STARD13: variants seen among roughly 807,000 people sequenced by gnomAD.
STARD13 encodes stAR-related lipid transfer protein 13.
STARD13 carries 62 observed loss-of-function variants against 106.4 expected under a neutral mutation model. That is an observed-to-expected ratio of 0.58 (90% CI 0.48 to 0.72). The LOEUF (loss-of-function observed/expected upper bound fraction) is 0.72. STARD13 is among the 30% of genes least tolerant of loss of function. The pLI is 0.00. For missense variants in STARD13, 1,387 were observed against 1,424.0 expected, an observed-to-expected ratio of 0.97 and a Z score of 0.42; for synonymous variants, 565 against 553.0, an observed-to-expected ratio of 1.02 and a Z score of -0.31.
At chr13:33,634,949 C>T in the STARD13 span, among the ~76,000 whole-genome samples, 4 of 152,134 alleles carry the variant, frequency 2.6e-5, no homozygotes, top group East Asian at 7.7e-4. Context: ...GGAAGATCAG[C>T]AGTGAAGGGC....
chr13:33,184,419 T>C (rs1234452022), intron 1 of STARD13, among the ~76,000 whole-genome samples: 1 of 152,042 alleles, frequency 6.6e-6, no homozygotes, highest in Non-Finnish European at 1.5e-5. Flanking sequence ...GAAAGAAAAG[T>C]GGATTCTGAA....
the STARD13 span, among the ~76,000 whole-genome samples, chr13:33,401,130 A>T: frequency 4.6e-5 from 7 of 152,330 alleles, no homozygotes; most frequent in Admixed American, 1.3e-4. Context: ...TCTTTGTCTT[A>T]AAAATCTTCT....
At chr13:33,160,570 C>T (rs1882500391) in intron 3 of STARD13, among the ~76,000 whole-genome samples, 1 of 152,068 alleles carries the variant, frequency 6.6e-6, no homozygotes, top group African/African-American at 2.4e-5. Context: ...TAGGACATAT[C>T]CAAACTCTCA....
chr13:33,339,814 C>T (rs545492740), intron 1 of STARD13, among the ~76,000 whole-genome samples: 6 of 151,970 alleles, frequency 3.9e-5, no homozygotes, highest in Admixed American at 1.3e-4. Flanking sequence ...TGGCTGGGCA[C>T]GGTGGCTCAT....
At chr13:33,190,704 A>C (rs1886194784) in intron 1 of STARD13, among the ~76,000 whole-genome samples, 1 of 151,022 alleles carries the variant, frequency 6.6e-6, no homozygotes, top group Non-Finnish European at 1.5e-5. Context: ...CTTCTGCCTC[A>C]GCTTCCTGAG....
rs138181324 is a variant in STARD13, at chr13:33,242,927, C to A, written c.169+42543G>T. On this transcript the variant is annotated intron_variant, in intron 1 of 13. Coordinates refer to ENST00000336934, the MANE Select transcript of STARD13 (RefSeq NM_178006.4). ...CTTCCTAGTAATTCCTCTAAGTTAGCAGGTATATATTACTTCTCACTGTAC... is the reference window on the plus strand; with the variant it reads ...CTTCCTAGTAATTCCTCTAAGTTAGAAGGTATATATTACTTCTCACTGTAC... 3.6e-4 allele frequency among the ~76,000 whole-genome samples: 55 copies of A among 152,176 alleles called. 1 individual carries two copies. The highest frequency in any genetic ancestry group is 6.6e-4 in the Non-Finnish European group (45 of 67,996).
the STARD13 span, among the ~76,000 whole-genome samples, chr13:33,624,496 A>G: frequency 6.6e-6 from 1 of 152,164 alleles, no homozygotes; most frequent in South Asian, 2.1e-4. Context: ...TTACTTCCCC[A>G]TCTCCTTACA....
intron 3 of STARD13, among the ~76,000 whole-genome samples, chr13:33,147,635 G>C (rs1021327842): frequency 6.6e-6 from 1 of 152,178 alleles, no homozygotes; most frequent in East Asian, 1.9e-4. Context: ...CTGATTTCAA[G>C]AGGTGCCATA....
At chr13:33,324,963 A>G (rs1237859176) in intron 1 of STARD13, among the ~76,000 whole-genome samples, 4 of 152,112 alleles carry the variant, frequency 2.6e-5, no homozygotes, top group Non-Finnish European at 5.9e-5. Flanking sequence ...TGTGTTTACA[A>G]ATCCTGGAAT....
At chr13:33,242,208 TG>T (rs1433405997) in intron 1 of STARD13, among the ~76,000 whole-genome samples, 1 of 151,230 alleles carries the variant, frequency 6.6e-6, no homozygotes, top group African/African-American at 2.4e-5. Context: ...ATCCGGGAGG[TG>T]GGGGGCAGCC....
At chr13:33,243,615 G>A (rs1003399839) in intron 1 of STARD13, among the ~76,000 whole-genome samples, 10 of 152,194 alleles carry the variant, frequency 6.6e-5, no homozygotes, top group African/African-American at 2.2e-4. Flanking sequence ...GAGAATCCGT[G>A]TGGCTGAGAC....
the STARD13 span, among the ~76,000 whole-genome samples, chr13:33,675,513 C>A: frequency 6.6e-6 from 1 of 152,006 alleles, no homozygotes; most frequent in Non-Finnish European, 1.5e-5. Flanking sequence ...GGGAATATGC[C>A]CTGGGGACTT....
the STARD13 span, among the ~76,000 whole-genome samples, chr13:33,639,623 T>A: frequency 6.6e-6 from 1 of 152,216 alleles, no homozygotes; most frequent in African/African-American, 2.4e-5. Flanking sequence ...AGATTAATGG[T>A]TTCTCTGTAT....
the STARD13 span, among the ~76,000 whole-genome samples, chr13:33,548,575 A>G: frequency 3.2e-4 from 49 of 152,172 alleles, no homozygotes; most frequent in African/African-American, 1.0e-3. Flanking sequence ...CATCAAAGGT[A>G]TATAGTTGGC....
chr13:33,607,822 T>TGACA, the STARD13 span, among the ~76,000 whole-genome samples: 1 of 152,132 alleles, frequency 6.6e-6, no homozygotes. Context: ...AATAATCAGA[T>TGACA]GACATAATTT....
chr13:33,347,737 A>G (rs2138616288), downstream of STARD13, among the ~76,000 whole-genome samples: 1 of 152,316 alleles, frequency 6.6e-6, no homozygotes, highest in South Asian at 2.1e-4. Flanking sequence ...TATGATTTAC[A>G]CTTGATTCAC....
intron 1 of STARD13, among the ~76,000 whole-genome samples, chr13:33,296,924 C>A (rs1401078068): frequency 1.3e-5 from 2 of 152,166 alleles, no homozygotes; most frequent in Non-Finnish European, 2.9e-5. Context: ...CGGCCGAGTT[C>A]AACTTTTTAA....
intron 1 of STARD13, among the ~76,000 whole-genome samples, chr13:33,226,001 G>T (rs2138193249): frequency 6.6e-6 from 1 of 152,250 alleles, no homozygotes; most frequent in Non-Finnish European, 1.5e-5. Flanking sequence ...TCATGATGGG[G>T]TTAGTTAAGT....
intron 3 of STARD13, among the ~76,000 whole-genome samples, chr13:33,152,026 ATCAT>A (rs140934412): frequency 0.032 from 4,898 of 152,284 alleles, 268 homozygotes; most frequent in African/African-American, 0.11. Context: ...GGAGATCATG[ATCAT>A]GCTCATGTTT....
Sources: allele counts gnomAD v4.1 joint callset (sites outside exome capture counted in the v4.1 genomes callset), GRCh38; gene constraint gnomAD v4.1.1; transcripts MANE v1.5; gene names NCBI Gene and HGNC (gene_info 2026-07-23, HGNC 2026-07-21).